Variants in DENND2A observed in about 807,000 individuals in gnomAD.
DENND2A encodes DENN domain-containing protein 2A.
In DENND2A, 53 loss-of-function variants were observed where a neutral mutation model predicts 105.3. The observed-to-expected ratio is 0.50, with a 90% CI of 0.40 to 0.63. The LOEUF is 0.63. DENND2A is among the 30% of genes least tolerant of loss of function. The probability of loss-of-function intolerance (pLI) is 0.00; values close to 1 mark genes in which losing one functional copy is unlikely to be tolerated. For synonymous variants in DENND2A, 522 were observed against 508.4 expected (o/e 1.03, Z -0.36); for missense variants, 1,138 against 1,279.6 (o/e 0.89, Z 1.69).
intron 3 of DENND2A, among the ~76,000 whole-genome samples, chr7:140,594,141 C>A (rs2130668273): frequency 6.6e-6 from 1 of 152,296 alleles, no homozygotes; most frequent in African/African-American, 2.4e-5. Context: ...CTCCTGGCCA[C>A]AGGTGATCCA....
chr7:140,578,191 G>A (rs984662256), intron 5 of DENND2A, among the ~76,000 whole-genome samples: 2 of 152,218 alleles, frequency 1.3e-5, no homozygotes, highest in Admixed American at 1.3e-4. Flanking sequence ...AGCCTCTTCA[G>A]TTGTTTCAGG....
In DENND2A at chr7:140,633,733, G is replaced by A. The variant is rs372231374; in HGVS notation, c.-248+6771C>T. 8.2e-4 allele frequency among the ~76,000 whole-genome samples: 125 copies of A among 152,180 alleles called. 1 individual carries two copies. The highest frequency in any genetic ancestry group is 2.8e-3 in the African/African-American group (116 of 41,530). Reference sequence around the variant, plus strand: ...TGTGCCATCAAGGTTATGGAAACACGAAACCAACAGCAAGAGACGAACTTG... The same window carrying A: ...TGTGCCATCAAGGTTATGGAAACACAAAACCAACAGCAAGAGACGAACTTG... On this transcript the variant is annotated intron_variant, in intron 1 of 19. Transcript: ENST00000496613.
At position 140,522,007 on chromosome 7, in the gene DENND2A, G is replaced by T. The variant is rs371591723; in HGVS notation, c.2759C>A (p.Ser920Ter). 1 of 1,614,068 alleles carries T rather than the reference G, an allele frequency of 6.2e-7. No homozygotes were observed. Among genetic ancestry groups the T allele is most frequent in the Non-Finnish European group, 8.5e-7 (1 of 1,180,046 alleles). ...IVGHYSLFLT[S>*]GEREERTLQR... ...CAGGGTTCTCTCCTCACGCTCGCCC[G>T]ACGTCAGGAACAAAGAGTAGTGTCC... The change falls in exon 18 of 20, where the codon TCG becomes TAG. Residue 920 changes from serine (S) to a stop codon, truncating the protein, a stop_gained. Transcript: ENST00000496613. LOFTEE classifies it high-confidence loss of function.
rs1796929753 is a variant in DENND2A, at chr7:140,546,823, G to A, written c.2154C>T (p.Asn718=). The A allele has an allele frequency of 6.2e-7, 1 of 1,614,078 alleles. No homozygotes were observed. Among genetic ancestry groups the A allele is most frequent in the South Asian group, 1.1e-5 (1 of 91,074 alleles). The change falls in exon 13 of 20, where the codon AAC becomes AAT. Residue 718 remains asparagine, a synonymous_variant. Coordinates refer to ENST00000496613, the MANE Select transcript of DENND2A (RefSeq NM_015689.5). ...CCTCAGTTCCTGAACCTGGCAGGAA[G>A]TTCTTGACAAGGATGGTTTTGCCCA... ...PALGKTILVK[N]FLPGSGTEVI...
rs1289816778 is a variant in DENND2A at position 140,527,988 on chromosome 7, G to A, written c.2328-493C>T. On this transcript the variant is annotated intron_variant, in intron 14 of 19. Coordinates refer to ENST00000496613, the MANE Select transcript of DENND2A (RefSeq NM_015689.5). The surrounding 1 kb of genome is among the most constrained non-coding windows in gnomAD (Gnocchi z 4.9). The stretch of plus-strand genomic sequence containing the variant: ...CCTGAGTAGCTGGGACTGCAGGCAC[G>A]CGCCACCACACCTGGCTAATTTTTG... Among the ~76,000 whole-genome samples, 3 of 151,816 alleles carry A rather than the reference G, an allele frequency of 2.0e-5. No individual in the cohort carries two copies. Among genetic ancestry groups the A allele is most frequent in the African/African-American group, 7.3e-5 (3 of 41,330 alleles).
chr7:140,568,515 G>T (rs556314081), intron 8 of DENND2A, among the ~76,000 whole-genome samples: 92 of 152,304 alleles, frequency 6.0e-4, no homozygotes, highest in Non-Finnish European at 1.1e-3. Context: ...ATAGGGAGAG[G>T]CATGGGAGCA....
Position 140,527,505 on chromosome 7 carries a change from G to T in DENND2A, c.2328-10C>A. 6.3e-7 allele frequency: 1 copy of T among 1,590,448 alleles called. No individual in the cohort carries two copies. Among genetic ancestry groups the T allele is most frequent in the East Asian group, 2.3e-5 (1 of 44,290 alleles). On this transcript the variant is annotated splice_polypyrimidine_tract_variant and intron_variant, in intron 14 of 19. Transcript: ENST00000496613. This position sits in a 1 kb window ranked among gnomAD's most constrained non-coding sequence, Gnocchi z 4.9. ...GCACTTGGACAGGATGCTGCAGCCG[G>T]GGAGAGAACAGGGAGAGAGGCCGAC...
intron 4 of DENND2A, 125 bp from the exon 5 acceptor site, chr7:140,585,835 A>G: frequency 7.3e-7 from 1 of 1,360,872 alleles, no homozygotes; most frequent in African/African-American, 1.4e-5. Context: ...CTGTTTTGCC[A>G]TCCATGCGCC....
intron 2 of DENND2A, among the ~76,000 whole-genome samples, chr7:140,604,296 G>A (rs190996317): frequency 6.6e-6 from 1 of 152,308 alleles, no homozygotes; most frequent in African/African-American, 2.4e-5. Context: ...CATAAATTAC[G>A]CCACTGTTCT....
At chr7:140,541,605 C>A (rs968519548) in intron 14 of DENND2A, among the ~76,000 whole-genome samples, 1 of 152,188 alleles carries the variant, frequency 6.6e-6, no homozygotes, top group African/African-American at 2.4e-5. Flanking sequence ...CCGATCCTGG[C>A]CACTGAAGGG....
intron 9 of DENND2A, among the ~76,000 whole-genome samples, chr7:140,566,324 G>A (rs903517748): frequency 2.6e-5 from 4 of 152,096 alleles, no homozygotes; most frequent in Non-Finnish European, 4.4e-5. Context: ...GAGTCACCGC[G>A]CCTGGCCTCC....
chr7:140,567,285 AGG>A lies in DENND2A; in HGVS notation c.1592-14_1592-13del. ...GCGCTGGCTGTGAGCTGGGTGAGGG[AGG>A]GAGAGAGAAAGAGAGAAAGAGAGAG... On this transcript the variant is annotated splice_polypyrimidine_tract_variant and intron_variant, in intron 8 of 19. Coordinates refer to ENST00000496613, the MANE Select transcript of DENND2A (RefSeq NM_015689.5). The A allele has an allele frequency of 7.1e-7, 1 of 1,406,776 alleles. No homozygotes were observed. Among genetic ancestry groups the A allele is most frequent in the Admixed American group, 1.8e-5 (1 of 54,792 alleles). The allele number at this position is 1,406,776 out of a possible 1,614,324, so 87.1% of individuals were successfully genotyped here.
At chr7:140,534,025 T>C (rs1311769024) in intron 14 of DENND2A, among the ~76,000 whole-genome samples, 1 of 150,938 alleles carries the variant, frequency 6.6e-6, no homozygotes, top group Non-Finnish European at 1.5e-5. Flanking sequence ...GCGATTCTCC[T>C]GCCTCAGTCT....
At chr7:140,568,140 C>T (rs538797661) in intron 8 of DENND2A, among the ~76,000 whole-genome samples, 86 of 152,230 alleles carry the variant, frequency 5.6e-4, no homozygotes, top group African/African-American at 2.0e-3. Context: ...CGAGGTTTCA[C>T]TATGTTGGCC....
chr7:140,640,807 G>C lies in DENND2A; in HGVS notation c.-551C>G, dbSNP rs1472464326. On this transcript the variant is annotated 5_prime_UTR_variant, in exon 1 of 20. It adds an upstream start codon to the 5' untranslated region. Transcript: ENST00000496613. This position sits in a 1 kb window ranked among gnomAD's most constrained non-coding sequence, Gnocchi z 4.9. Reference sequence around the variant, plus strand: ...CCTCCTCCTGCCGTGGCTCCGCGACGATCTGCGCGACGCGCGCCCCCTCCT... The same window carrying C: ...CCTCCTCCTGCCGTGGCTCCGCGACCATCTGCGCGACGCGCGCCCCCTCCT... 6.7e-6 allele frequency: 1 copy of C among 150,278 alleles called. No homozygotes were observed. The highest frequency in any genetic ancestry group is 1.5e-5 in the Non-Finnish European group (1 of 67,598). The allele number at this position is 150,278 out of a possible 1,614,324, so 9.3% of individuals were successfully genotyped here.
chr7:140,553,640 T>TGCG (rs1040775679), intron 12 of DENND2A, among the ~76,000 whole-genome samples: 7 of 152,190 alleles, frequency 4.6e-5, no homozygotes, highest in African/African-American at 1.7e-4. Flanking sequence ...CAGAGGTCCC[T>TGCG]GCGGCCTTCC....
At chr7:140,593,675 C>A (rs995343736) in intron 3 of DENND2A, among the ~76,000 whole-genome samples, 3 of 152,168 alleles carry the variant, frequency 2.0e-5, no homozygotes, top group African/African-American at 4.8e-5. Flanking sequence ...GGAAATCAGA[C>A]TCCTAGCCTC....
intron 1 of DENND2A, among the ~76,000 whole-genome samples, chr7:140,610,575 T>C (rs1585751513): frequency 6.6e-6 from 1 of 152,198 alleles, no homozygotes; most frequent in East Asian, 1.9e-4. Flanking sequence ...CAGGCTTATC[T>C]CTGAACACAC....
chr7:140,538,672 A>T (rs952779694), intron 14 of DENND2A, among the ~76,000 whole-genome samples: 1 of 151,278 alleles, frequency 6.6e-6, no homozygotes, highest in South Asian at 2.1e-4. Context: ...ATGCCCGCTA[A>T]TTTTTGTATT....
Sources: gnomAD v4.1 joint callset for allele counts (sites outside exome capture counted in the v4.1 genomes callset) on GRCh38, gnomAD v4.1.1 for gene constraint, Gnocchi (gnomAD v3.1) non-coding constraint, MANE v1.5 for transcripts, NCBI Gene and HGNC (gene_info 2026-07-23, HGNC 2026-07-21) for gene names.